The following POLR1D variants were observed in gnomAD, a reference collection of about 807,000 sequenced individuals.
The protein encoded by POLR1D is DNA-directed RNA polymerases I and III subunit RPAC2.
In POLR1D, 8 loss-of-function variants were observed where a neutral mutation model predicts 10.8. The observed-to-expected ratio is 0.74, with a 90% confidence interval of 0.43 to 1.33. The LOEUF (loss-of-function observed/expected upper bound fraction) is 1.33, where lower values mean the gene tolerates loss of function less well. Among genes scored for constraint, POLR1D ranks in the 40% most tolerant of loss-of-function variants. POLR1D has a pLI of 0.01. For synonymous variants in POLR1D, 54 were observed against 57.2 expected (o/e 0.94, Z 0.25); for missense variants, 152 against 161.7 (o/e 0.94, Z 0.32).
At chr13:27,633,259 G>A (rs1956091414) in intron 1 of POLR1D, among the ~76,000 whole-genome samples, 1 of 152,154 alleles carries the variant, frequency 6.6e-6, no homozygotes, top group South Asian at 2.1e-4. Flanking sequence ...AAGAAGGCAG[G>A]GCTTTGTATC....
In POLR1D at chr13:27,651,739, G is replaced by A. The variant is rs1038160074; in HGVS notation, c.101+3286G>A. ...GGTGTCCACAATCATTTTTAGGAGT[G>A]TGAGTGTAAAGTACCCTAAGACCAC... is the stretch of plus-strand genomic sequence containing the variant. On this transcript the variant is annotated intron_variant, in intron 2 of 2. Coordinates refer to the POLR1D transcript ENST00000399697. Among the ~76,000 whole-genome samples the A allele has an allele frequency of 3.9e-5, 6 of 152,254 alleles. No homozygotes were observed. The East Asian group carries it at 1.2e-3, about 29-fold the overall frequency.
chr13:27,657,312 C>G (rs1009371216), intron 2 of POLR1D, among the ~76,000 whole-genome samples: 6 of 151,956 alleles, frequency 3.9e-5, no homozygotes, highest in Non-Finnish European at 7.4e-5. Context: ...GGTGGATTGC[C>G]CGAGCTCAGG....
At chr13:27,624,448 A>G (rs1955987656), downstream of POLR1D, among the ~76,000 whole-genome samples, 2 of 152,228 alleles carry the variant, frequency 1.3e-5, no homozygotes, top group African/African-American at 2.4e-5. Flanking sequence ...CTAGCGTGCC[A>G]TAGAGCCTAC....
At chr13:27,627,993 C>T (rs1056225659), downstream of POLR1D, among the ~76,000 whole-genome samples, 7 of 152,144 alleles carry the variant, frequency 4.6e-5, no homozygotes, top group Non-Finnish European at 8.8e-5. Context: ...TCATTTACCC[C>T]TTTGTTTATC....
At chr13:27,631,511 T>C (rs1177848005) in intron 1 of POLR1D, among the ~76,000 whole-genome samples, 1 of 152,236 alleles carries the variant, frequency 6.6e-6, no homozygotes, top group African/African-American at 2.4e-5. Flanking sequence ...TGGCACCATC[T>C]TAGCGGCTGC....
At position 27,621,919 on chromosome 13, in the gene POLR1D, T is replaced by G. The variant is rs1955933379; in HGVS notation, c.-65T>G. ...TTGCTTCCTGCTTCGCCTCCGCGCC[T>G]CGCGCTATGGGACAGAGCCCCCGAT... On this transcript the variant is annotated 5_prime_UTR_variant, in exon 1 of 2. Coordinates refer to ENST00000302979, the MANE Select transcript of POLR1D (RefSeq NM_015972.4). 1 of 1,541,182 alleles carries G rather than the reference T, an allele frequency of 6.5e-7. No homozygotes were observed. Among genetic ancestry groups the G allele is most frequent in the Non-Finnish European group, 8.8e-7 (1 of 1,132,774 alleles).
downstream of POLR1D, among the ~76,000 whole-genome samples, chr13:27,627,090 G>T (rs1476538590): frequency 6.6e-6 from 1 of 152,180 alleles, no homozygotes; most frequent in Non-Finnish European, 1.5e-5. Context: ...TTTTTGGTTA[G>T]CGTAATTTAG....
At chr13:27,644,834 T>C (rs1956204623) in intron 1 of POLR1D, among the ~76,000 whole-genome samples, 1 of 152,210 alleles carries the variant, frequency 6.6e-6, no homozygotes, top group Admixed American at 6.6e-5. Flanking sequence ...TTAAAAACTA[T>C]CTTGTTTCAT....
intron 1 of POLR1D, among the ~76,000 whole-genome samples, chr13:27,634,271 T>C (rs1593281780): frequency 6.6e-6 from 1 of 152,188 alleles, no homozygotes; most frequent in South Asian, 2.1e-4. Flanking sequence ...GTGCTGAAAA[T>C]GTCTGTCTTT....
At chr13:27,627,216 CT>C, downstream of POLR1D, among the ~76,000 whole-genome samples, 1 of 152,010 alleles carries the variant, frequency 6.6e-6, no homozygotes, top group South Asian at 2.1e-4. Flanking sequence ...TGCTCAAATT[CT>C]TAATGTTGCT....
Position 27,664,205 on chromosome 13 carries a change from A to G in POLR1D, c.102-1481A>G, listed in dbSNP as rs560945776. The stretch of plus-strand genomic sequence containing the variant: ...GCCAGCGTGCCCCCAGGAGGTAGAA[A>G]TGTCTTTACCTTGAGACTACTAAGG... On this transcript the variant is annotated intron_variant, in intron 2 of 2. Coordinates refer to the POLR1D transcript ENST00000399697. Among the ~76,000 whole-genome samples the G allele has an allele frequency of 1.2e-4, 19 of 152,300 alleles. No homozygotes were observed. The South Asian group carries it at 2.1e-3, about 17-fold the overall frequency.
chr13:27,649,443 A>G (rs879575147), intron 2 of POLR1D, among the ~76,000 whole-genome samples: 1 of 152,236 alleles, frequency 6.6e-6, no homozygotes, highest in Admixed American at 6.5e-5. Context: ...TTTCCAAAAG[A>G]TAAAAAATAA....
intron 1 of POLR1D, among the ~76,000 whole-genome samples, chr13:27,645,197 A>C (rs764871190): frequency 6.6e-6 from 1 of 152,228 alleles, no homozygotes; most frequent in Admixed American, 6.5e-5. Flanking sequence ...CCGCCTCTCC[A>C]GTATCAGCCT....
chr13:27,660,493 G>A (rs1956353348), intron 2 of POLR1D, among the ~76,000 whole-genome samples: 1 of 152,148 alleles, frequency 6.6e-6, no homozygotes, highest in African/African-American at 2.4e-5. Context: ...CCCACTACCT[G>A]TTCGACTTCA....
intron 2 of POLR1D, among the ~76,000 whole-genome samples, chr13:27,655,596 A>T (rs1028738003): frequency 6.6e-6 from 1 of 152,174 alleles, no homozygotes; most frequent in Non-Finnish European, 1.5e-5. Flanking sequence ...TATACGTCTT[A>T]ATTACAACAG....
At chr13:27,620,834 C>A (rs113269948), upstream of POLR1D, 1 of 152,640 alleles carries the variant, frequency 6.6e-6, no homozygotes, top group African/African-American at 2.4e-5. Context: ...GGCTAGGTGT[C>A]TGCGCGCACC....
downstream of POLR1D, among the ~76,000 whole-genome samples, chr13:27,624,434 T>TA (rs1955987432): frequency 6.6e-6 from 1 of 152,176 alleles, no homozygotes; most frequent in Non-Finnish European, 1.5e-5. Context: ...CCTGACCTCT[T>TA]ACACTAGCGT....
chr13:27,627,738 T>G (rs550737968), downstream of POLR1D, among the ~76,000 whole-genome samples: 99 of 123,608 alleles, frequency 8.0e-4, 1 homozygote, highest in African/African-American at 2.4e-3. Flanking sequence ...TTTTTTTTTT[T>G]TTTTTTTTTT....
At chr13:27,630,554 C>T (rs1328748826) in intron 1 of POLR1D, among the ~76,000 whole-genome samples, 1 of 151,968 alleles carries the variant, frequency 6.6e-6, no homozygotes, top group Non-Finnish European at 1.5e-5. Context: ...ACTCTGAAGT[C>T]AGAGGGCCTG....
Sources: allele counts gnomAD v4.1 joint callset (sites outside exome capture counted in the v4.1 genomes callset), GRCh38; gene constraint gnomAD v4.1.1; transcripts MANE v1.5; gene names NCBI Gene and HGNC (gene_info 2026-07-23, HGNC 2026-07-21).